Variants in RIMBP2 observed in about 807,000 individuals in gnomAD.
The protein encoded by RIMBP2 is RIMS binding protein 2.
A neutral mutation model predicts 118.6 loss-of-function variants in RIMBP2; 48 were observed. The ratio of observed to expected loss-of-function variants is 0.40; its 90% confidence interval spans 0.32 to 0.51. RIMBP2 has a LOEUF of 0.51. Among genes scored for constraint, RIMBP2 ranks in the 20% least tolerant of loss-of-function variants. The probability of loss-of-function intolerance (pLI) is 0.41; values close to 1 mark genes in which losing one functional copy is unlikely to be tolerated. For missense variants in RIMBP2, 1,551 were observed against 1,768.3 expected, an observed-to-expected ratio of 0.88 and a Z score of 2.20; for synonymous variants, 762 against 742.9, an observed-to-expected ratio of 1.03 and a Z score of -0.42.
rs1409720587 is a variant in RIMBP2, at chr12:130,445,173, A to G, written c.678T>C (p.Asp226=). Residue 226 remains aspartate (D), a synonymous_variant, in exon 10 of 23, where the codon GAT becomes GAC. Coordinates refer to ENST00000690449, the MANE Select transcript of RIMBP2 (RefSeq NM_001393629.1). ...YLYVYGDMDE[D]GFYEGELLDG... is the part of the protein sequence containing the mutation. ...TCCAACAGAGACCTTCATAGAACCC[A>G]TCCTCATCCATGTCTCCATAGACGT... is the stretch of plus-strand genomic sequence containing the variant. The G allele has an allele frequency of 7.5e-6, 12 of 1,608,074 alleles. No individual in the cohort carries two copies. Among genetic ancestry groups the G allele is most frequent in the African/African-American group, 2.7e-5 (2 of 74,630 alleles).
chr12:130,708,275 G>T (rs11061100), intron 1 of RIMBP2, among the ~76,000 whole-genome samples: 85 of 152,322 alleles, frequency 5.6e-4, no homozygotes, highest in East Asian at 5.4e-3. Flanking sequence ...TCTTTTTGAG[G>T]TGATGAAAAT....
chr12:130,672,673 G>C (rs545776232), intron 1 of RIMBP2, among the ~76,000 whole-genome samples: 2 of 152,188 alleles, frequency 1.3e-5, no homozygotes, highest in Non-Finnish European at 2.9e-5. Flanking sequence ...TGGCAGGCAG[G>C]GAGGTAGCAG....
rs1324259499 is a variant in RIMBP2, at chr12:130,424,159, C to T, written c.3112G>A (p.Val1038Ile). ...TCACACACCAGGGGGCCTTGTGCGA[C>T]TCTGGGAGGTGGCTTTGCGTGGGGG... ...AAPHAKPPPR[V>I]AQGPLILGNP... Residue 1038 changes from valine to isoleucine, a missense_variant, in exon 16 of 23, where the codon GTC becomes ATC. Around this residue, in one of 5 missense-constraint regions of RIMBP2, gnomAD observed 1,038 missense variants for 1,125.1 expected, o/e 0.92. Transcript: ENST00000690449. This position sits in a 1 kb window ranked among gnomAD's most constrained non-coding sequence, Gnocchi z 9.8. 26 of 1,231,972 alleles carry T rather than the reference C, an allele frequency of 2.1e-5. No individual in the cohort carries two copies. Among genetic ancestry groups the T allele is most frequent in the East Asian group, 3.2e-5 (1 of 31,712 alleles). The allele number at this position is 1,231,972 out of a possible 1,614,324, so 76.3% of individuals were successfully genotyped here. A position where few individuals can be genotyped will look rare whatever the true frequency, so the allele number is the denominator to read the frequency against.
At chr12:130,636,294 A>G (rs1008301393) in intron 1 of RIMBP2, among the ~76,000 whole-genome samples, 3 of 151,894 alleles carry the variant, frequency 2.0e-5, no homozygotes, top group Non-Finnish European at 4.4e-5. Flanking sequence ...CCCTACTGGC[A>G]CTCTTGAGCA....
intron 6 of RIMBP2, 119 bp from the exon 7 acceptor site, chr12:130,456,819 CGTGTT>C (rs2079494973): frequency 4.3e-6 from 3 of 695,572 alleles, no homozygotes; most frequent in South Asian, 1.9e-5. Flanking sequence ...TGTGTACACA[CGTGTT>C]GTGTCTGTGA....
chr12:130,481,056 G>C (rs1593464257), intron 4 of RIMBP2, among the ~76,000 whole-genome samples: 1 of 152,170 alleles, frequency 6.6e-6, no homozygotes, highest in Non-Finnish European at 1.5e-5. Flanking sequence ...TGGCAGGGGG[G>C]AGGCGAGGGA....
intron 1 of RIMBP2, among the ~76,000 whole-genome samples, chr12:130,635,709 G>C (rs2062310186): frequency 6.6e-6 from 1 of 152,138 alleles, no homozygotes; most frequent in African/African-American, 2.4e-5. Context: ...TGTGGCACCT[G>C]CTACTGTTTC....
At chr12:130,550,752 G>A (rs1027298427) in intron 2 of RIMBP2, among the ~76,000 whole-genome samples, 3 of 152,262 alleles carry the variant, frequency 2.0e-5, no homozygotes, top group Admixed American at 1.3e-4. Flanking sequence ...TTGAGGTGAT[G>A]TATTAAGTTC....
rs1381766921 is a variant in RIMBP2, at chr12:130,456,504, A to T, written c.350T>A (p.Leu117His). 10 of 1,586,606 alleles carry T rather than the reference A, an allele frequency of 6.3e-6. No homozygotes were observed. The highest frequency in any genetic ancestry group is 8.6e-6 in the Non-Finnish European group (10 of 1,161,100). The change falls in exon 7 of 23, where the codon CTC becomes CAC. Residue 117 changes from leucine to histidine, a missense_variant. Leu to His is a moderately conservative substitution (Grantham distance 99). Transcript: ENST00000690449. ...AAGGTCCAGGCGCTTACCTTTGCCGAGGGAGGTGGCTAGGCCATTCATGAA... is the reference window on the plus strand; with the variant it reads ...AAGGTCCAGGCGCTTACCTTTGCCGTGGGAGGTGGCTAGGCCATTCATGAA... ...PQFMNGLATS[L>H]GKGQESAIGG... is the part of the protein sequence containing the mutation.
intron 2 of RIMBP2, among the ~76,000 whole-genome samples, chr12:130,592,681 T>C (rs1266846583): frequency 7.4e-5 from 3 of 40,282 alleles, no homozygotes; most frequent in African/African-American, 2.5e-4. Flanking sequence ...AGAGACTCTG[T>C]CAAAAAAAAA....
rs58049858 is a variant in RIMBP2, at chr12:130,674,454, G to A, written c.-352+41768C>T. ...GTGCAGAGCAGGGCTGCTTCCTGGG[G>A]GACAGAGCAGGATGGCAGTGTGGTG... On this transcript the variant is annotated intron_variant, in intron 1 of 22. Transcript: ENST00000690449. 9.1e-3 allele frequency among the ~76,000 whole-genome samples: 1,379 copies of A among 152,248 alleles called. 24 individuals carry two copies. Among genetic ancestry groups the A allele is most frequent in the African/African-American group, 0.031 (1,294 of 41,528 alleles).
At chr12:130,652,744 A>G (rs2063280462) in intron 1 of RIMBP2, among the ~76,000 whole-genome samples, 1 of 152,252 alleles carries the variant, frequency 6.6e-6, no homozygotes, top group African/African-American at 2.4e-5. Context: ...GTGTACAGGC[A>G]GCATGGTGCC....
chr12:130,535,128 G>T (rs1393538026), intron 2 of RIMBP2, among the ~76,000 whole-genome samples: 1 of 152,140 alleles, frequency 6.6e-6, no homozygotes, highest in Non-Finnish European at 1.5e-5. Flanking sequence ...GCTCCGGAGT[G>T]TTTCAGCTTC....
intron 2 of RIMBP2, among the ~76,000 whole-genome samples, chr12:130,606,819 TCAC>T (rs2060218991): frequency 6.6e-6 from 1 of 152,058 alleles, no homozygotes; most frequent in African/African-American, 2.4e-5. Context: ...ACAGTCCGAG[TCAC>T]CACAACAAGC....
rs559247989 is a variant in RIMBP2 at position 130,424,811 on chromosome 12, G to C, written c.2460C>G (p.Pro820=). ...TCCTGTGGGGCTGGTGGGGAAACTC[G>C]GGCTGCTCCCAGAAAGTGCCTTCCG... The part of the protein sequence containing the change: ...RTSEGTFWEQ[P]EFPHQPHRKR... Residue 820 remains proline (P), a synonymous_variant, in exon 16 of 23, where the codon CCC becomes CCG. Transcript: ENST00000690449. The surrounding 1 kb of genome is among the most constrained non-coding windows in gnomAD (Gnocchi z 9.8). The C allele has an allele frequency of 8.1e-7, 1 of 1,232,606 alleles. No individual in the cohort carries two copies. The highest frequency in any genetic ancestry group is 4.2e-5 in the Admixed American group (1 of 23,700). The allele number at this position is 1,232,606 out of a possible 1,614,324, so 76.4% of individuals were successfully genotyped here.
intron 2 of RIMBP2, among the ~76,000 whole-genome samples, chr12:130,604,027 C>A (rs2060015508): frequency 6.6e-6 from 1 of 152,178 alleles, no homozygotes; most frequent in Non-Finnish European, 1.5e-5. Flanking sequence ...TCCACGCGTG[C>A]TTTGCCCCTG....
intron 3 of RIMBP2, among the ~76,000 whole-genome samples, chr12:130,508,686 T>G (rs2050602904): frequency 6.6e-6 from 1 of 152,176 alleles, no homozygotes; most frequent in Admixed American, 6.5e-5. Context: ...GCTGTTTGCC[T>G]TCTTCCTGTG....
At chr12:130,568,238 C>G (rs2057372564) in intron 2 of RIMBP2, among the ~76,000 whole-genome samples, 1 of 152,140 alleles carries the variant, frequency 6.6e-6, no homozygotes, top group Admixed American at 6.5e-5. Flanking sequence ...GAGGGGAGAC[C>G]CAGGATATCT....
intron 4 of RIMBP2, among the ~76,000 whole-genome samples, chr12:130,481,143 A>C: frequency 8.5e-6 from 1 of 118,334 alleles, no homozygotes; most frequent in Admixed American, 8.0e-5. Context: ...CCTCGGGAGG[A>C]GGCAGGTGGT....
Sources: gnomAD v4.1 joint callset for allele counts (sites outside exome capture counted in the v4.1 genomes callset) on GRCh38, gnomAD v4.1.1 for gene constraint, gnomAD v4.1.1 regional missense constraint, Gnocchi (gnomAD v3.1) non-coding constraint, MANE v1.5 for transcripts, NCBI Gene and HGNC (gene_info 2026-07-23, HGNC 2026-07-21) for gene names.